Variants in SEC22C observed in about 807,000 individuals in gnomAD.
The protein encoded by SEC22C is vesicle-trafficking protein SEC22c.
Under a neutral mutation model 34.7 loss-of-function variants are expected in SEC22C, and 29 were observed. The observed-to-expected ratio is 0.84, with a 90% confidence interval of 0.62 to 1.14. SEC22C has a LOEUF of 1.14. SEC22C is among the 50% of genes most tolerant of loss of function. The probability of loss-of-function intolerance (pLI) is 0.00; values close to 1 mark genes in which losing one functional copy is unlikely to be tolerated. For missense variants in SEC22C, 337 were observed against 369.0 expected (o/e 0.91, Z 0.71); for synonymous variants, 117 against 132.8 (o/e 0.88, Z 0.82).
rs889042335 is a variant in SEC22C, at chr3:42,565,742, T to C, written c.183-2056A>G. The C allele has an allele frequency of 2.5e-5, 9 of 357,342 alleles. No individual in the cohort carries two copies. The East Asian group carries it at 7.0e-4, about 28-fold the overall frequency. 22.1% of individuals were successfully genotyped at this position (357,342 alleles called of 1,614,324 possible). ...CAGAGGTTTAGGAAGGATTCTTCCT[T>C]AAAGTTTGTAGAGGGAACATGGCCC... On this transcript the variant is annotated intron_variant, in intron 2 of 6. Coordinates refer to ENST00000264454, the MANE Select transcript of SEC22C (RefSeq NM_032970.4).
intron 3 of SEC22C, among the ~76,000 whole-genome samples, chr3:42,561,802 C>T (rs1420455367): frequency 3.3e-5 from 5 of 152,064 alleles, no homozygotes; most frequent in Non-Finnish European, 5.9e-5. Context: ...CACTTCAGAG[C>T]AGGATAATTA....
At chr3:42,558,445 G>C (rs920409915) in intron 4 of SEC22C, among the ~76,000 whole-genome samples, 1 of 141,376 alleles carries the variant, frequency 7.1e-6, no homozygotes, top group Non-Finnish European at 1.5e-5. Context: ...CCATGATTGC[G>C]CCCCTGCACT....
intron 6 of SEC22C, among the ~76,000 whole-genome samples, chr3:42,553,741 T>C (rs548231378): frequency 2.6e-4 from 39 of 152,250 alleles, no homozygotes; most frequent in African/African-American, 8.4e-4. Flanking sequence ...CTGTTGGCAG[T>C]AGAGAAAGAA....
At chr3:42,595,984 T>A (rs1378291225) in intron 1 of SEC22C, among the ~76,000 whole-genome samples, 1 of 152,136 alleles carries the variant, frequency 6.6e-6, no homozygotes, top group African/African-American at 2.4e-5. Flanking sequence ...CTCTGGCTCT[T>A]TCTTTTTTCT....
intron 1 of SEC22C, among the ~76,000 whole-genome samples, chr3:42,573,180 T>C (rs1703749790): frequency 6.6e-6 from 1 of 151,886 alleles, no homozygotes; most frequent in South Asian, 2.1e-4. Context: ...ATAAAAACTC[T>C]CAGTAAAGAA....
At chr3:42,561,785 G>C (rs1702930555) in intron 3 of SEC22C, among the ~76,000 whole-genome samples, 1 of 152,192 alleles carries the variant, frequency 6.6e-6, no homozygotes, top group South Asian at 2.1e-4. Context: ...AACACTGTCT[G>C]ATCAATCACT....
chr3:42,600,847 G>C (rs1009603265), intron 1 of SEC22C: 3 of 479,338 alleles, frequency 6.3e-6, no homozygotes, highest in South Asian at 8.1e-5. Flanking sequence ...AGGGGGCCTC[G>C]TCTTGGCCTC....
intron 1 of SEC22C, among the ~76,000 whole-genome samples, chr3:42,595,963 T>C (rs1329420708): frequency 2.0e-5 from 3 of 152,228 alleles, no homozygotes; most frequent in African/African-American, 4.8e-5. Flanking sequence ...TTAGCACTAA[T>C]GTGCTGAGGG....
At chr3:42,595,737 C>G (rs1705009428) in intron 1 of SEC22C, among the ~76,000 whole-genome samples, 2 of 152,218 alleles carry the variant, frequency 1.3e-5, no homozygotes, top group Non-Finnish European at 2.9e-5. Flanking sequence ...CAGGTCCCTG[C>G]TCCTTTTTTT....
At chr3:42,561,405 C>T in intron 3 of SEC22C, 109 bp from the exon 4 acceptor site, 1 of 1,096,222 alleles carries the variant, frequency 9.1e-7, no homozygotes, top group South Asian at 1.5e-5. Context: ...TAGGGTCTCA[C>T]TGTCGCCCAC....
intron 3 of SEC22C, among the ~76,000 whole-genome samples, chr3:42,562,001 AAG>A (rs1702947591): frequency 6.6e-6 from 1 of 152,146 alleles, no homozygotes; most frequent in Non-Finnish European, 1.5e-5. Context: ...CTCAAAAAAA[AAG>A]GGCTTGTTTG....
intron 1 of SEC22C, chr3:42,594,346 G>A: frequency 8.8e-7 from 1 of 1,141,288 alleles, no homozygotes; most frequent in Non-Finnish European, 1.3e-6. Flanking sequence ...ACTAGAGTGG[G>A]TAAATTATTT....
In SEC22C at chr3:42,550,262, C is replaced by T; in HGVS notation, c.*2986G>A. On this transcript the variant is annotated 3_prime_UTR_variant, in exon 7 of 7. Transcript: ENST00000264454. ...GTTTTCAACATTATTTCATCTATTC[C>T]CAGATCTAGTCCAGTGATGTCAGCT... 1.0e-6 allele frequency: 1 copy of T among 985,436 alleles called. No individual in the cohort carries two copies. The highest frequency in any genetic ancestry group is 1.2e-6 in the Non-Finnish European group (1 of 829,934). The allele number at this position is 985,436 out of a possible 1,614,324, so 61.0% of individuals were successfully genotyped here.
At chr3:42,561,513 C>T (rs544081195) in intron 3 of SEC22C, among the ~76,000 whole-genome samples, 1 of 152,202 alleles carries the variant, frequency 6.6e-6, no homozygotes, top group Admixed American at 6.5e-5. Context: ...GTAGCTGAGA[C>T]CACAGATGTG....
Position 42,548,722 on chromosome 3 carries a change from G to A in SEC22C, c.*4526C>T. ...GCCCAGGGAGTGAAAGGCAGGTCCA[G>A]GGTGGGAAGAAGAGGGGCTGCTACC... On this transcript the variant is annotated 3_prime_UTR_variant, in exon 7 of 7. Coordinates refer to ENST00000264454, the MANE Select transcript of SEC22C (RefSeq NM_032970.4). 1 of 1,610,904 alleles carries A rather than the reference G, an allele frequency of 6.2e-7. No homozygotes were observed. The highest frequency in any genetic ancestry group is 1.1e-5 in the South Asian group (1 of 90,976).
Position 42,549,003 on chromosome 3 carries a change from G to A in SEC22C, c.*4245C>T. 9.7e-7 allele frequency: 1 copy of A among 1,033,318 alleles called. No homozygotes were observed. Among genetic ancestry groups the A allele is most frequent in the South Asian group, 3.7e-5 (1 of 27,238 alleles). The allele number at this position is 1,033,318 out of a possible 1,614,324, so 64.0% of individuals were successfully genotyped here. A position where few individuals can be genotyped will look rare whatever the true frequency, so the allele number is the denominator to read the frequency against. ...CCATTTACCAGATGAGGAAACTGAGGCCTGATGGGCAGTGATTTGTGCACT... is the reference window on the plus strand; with the variant it reads ...CCATTTACCAGATGAGGAAACTGAGACCTGATGGGCAGTGATTTGTGCACT... On this transcript the variant is annotated 3_prime_UTR_variant, in exon 7 of 7. Coordinates refer to ENST00000264454, the MANE Select transcript of SEC22C (RefSeq NM_032970.4).
rs777636940 is a variant in SEC22C, at chr3:42,563,706, T to G, written c.183-20A>C. 1 of 1,613,296 alleles carries G rather than the reference T, an allele frequency of 6.2e-7. No homozygotes were observed. Among genetic ancestry groups the G allele is most frequent in the Non-Finnish European group, 8.5e-7 (1 of 1,179,662 alleles). On this transcript the variant is annotated intron_variant, in intron 2 of 6. Transcript: ENST00000264454. ...GAAAAACTGAAACAAAAGGGCAATATCTGTATTACCAGGAAACAGCCCCAT... is the reference window on the plus strand; with the variant it reads ...GAAAAACTGAAACAAAAGGGCAATAGCTGTATTACCAGGAAACAGCCCCAT...
intron 6 of SEC22C, among the ~76,000 whole-genome samples, chr3:42,555,656 T>C (rs546749412): frequency 1.8e-4 from 28 of 152,316 alleles, no homozygotes; most frequent in Non-Finnish European, 2.6e-4. Flanking sequence ...GGAAGTCAAA[T>C]CCAAACTGCT....
chr3:42,593,991 A>AC (rs1704951104), intron 1 of SEC22C, among the ~76,000 whole-genome samples: 1 of 152,196 alleles, frequency 6.6e-6, no homozygotes, highest in African/African-American at 2.4e-5. Context: ...GTGAGATCAG[A>AC]GGGGGACTGG....
Sources: gnomAD v4.1 joint callset for allele counts (sites outside exome capture counted in the v4.1 genomes callset) on GRCh38, gnomAD v4.1.1 for gene constraint, MANE v1.5 for transcripts, NCBI Gene and HGNC (gene_info 2026-07-23, HGNC 2026-07-21) for gene names.